Variants in SNX29 observed in about 807,000 individuals in gnomAD.
The protein encoded by SNX29 is sorting nexin 29.
A neutral mutation model predicts 102.1 loss-of-function variants in SNX29; 78 were observed. That is an observed-to-expected ratio of 0.76 (90% confidence interval 0.64 to 0.92). The LOEUF (loss-of-function observed/expected upper bound fraction) is 0.92. SNX29 is among the 40% of genes least tolerant of loss of function. SNX29 has a pLI of 0.00. For missense variants in SNX29, 1,280 were observed against 1,061.7 expected (o/e 1.21, Z -2.86); for synonymous variants, 580 against 414.5 (o/e 1.40, Z -4.85).
intron 20 of SNX29, among the ~76,000 whole-genome samples, chr16:12,562,499 T>G (rs1317330338): frequency 1.3e-5 from 2 of 152,212 alleles, no homozygotes; most frequent in African/African-American, 2.4e-5. Context: ...AGGAGCATCG[T>G]GAGCAGCCCA....
At chr16:12,048,876 C>T (rs11862031) in intron 7 of SNX29, among the ~76,000 whole-genome samples, 59,258 of 151,864 alleles carry the variant, frequency 0.39, 12,268 homozygotes, top group Middle Eastern at 0.5. Context: ...TGAGAGACAC[C>T]GGGAGCCAGA....
At chr16:12,018,123 G>C (rs1467451946) in intron 3 of SNX29, among the ~76,000 whole-genome samples, 1 of 152,006 alleles carries the variant, frequency 6.6e-6, no homozygotes, top group Non-Finnish European at 1.5e-5. Context: ...TATTGGAATT[G>C]TATTAAGTTT....
intron 18 of SNX29, among the ~76,000 whole-genome samples, chr16:12,454,774 C>T (rs745672922): frequency 9.9e-5 from 15 of 152,068 alleles, no homozygotes; most frequent in Non-Finnish European, 1.6e-4. Flanking sequence ...GGCTGGAGTG[C>T]AGTGGCGTGA....
chr16:12,169,371 G>A (rs1372075326), intron 13 of SNX29, among the ~76,000 whole-genome samples: 1 of 152,174 alleles, frequency 6.6e-6, no homozygotes, highest in Non-Finnish European at 1.5e-5. Context: ...TCTCGTGGGT[G>A]GGAGCTGATC....
At chr16:12,192,879 T>C (rs187983731) in intron 13 of SNX29, among the ~76,000 whole-genome samples, 131 of 152,234 alleles carry the variant, frequency 8.6e-4, no homozygotes, top group African/African-American at 2.8e-3. Flanking sequence ...TTTTTGTATA[T>C]TTAGTAGAGG....
intron 16 of SNX29, among the ~76,000 whole-genome samples, chr16:12,397,597 T>G (rs1169978352): frequency 6.6e-6 from 1 of 152,192 alleles, no homozygotes; most frequent in African/African-American, 2.4e-5. Context: ...TTGATCCTCC[T>G]TCTTAAAATT....
At chr16:12,548,367 G>A (rs1482089427) in intron 20 of SNX29, among the ~76,000 whole-genome samples, 5 of 152,190 alleles carry the variant, frequency 3.3e-5, no homozygotes, top group Non-Finnish European at 7.3e-5. Context: ...GCACCCACAT[G>A]GAAGGGAGTC....
rs36176543 is a variant in SNX29 at position 12,334,901 on chromosome 16, C to CTTTTTT, written c.1783-21247_1783-21242dup. Among the ~76,000 whole-genome samples the CTTTTTT allele has an allele frequency of 6.4e-3, 597 of 93,610 alleles. 18 individuals are homozygous for CTTTTTT. Among genetic ancestry groups the CTTTTTT allele is most frequent in the African/African-American group, 0.013 (353 of 26,150 alleles). The allele number at this position is 93,610 out of a possible 152,430, so 61.4% of individuals were successfully genotyped here. On this transcript the variant is annotated intron_variant, in intron 15 of 20. Transcript: ENST00000566228. Reference sequence around the variant, plus strand: ...TGCTTTAAGTTATCAGCCCCAGAGCCTTTTTTTTTTTTTTTTTTTTAAAAA... The same window carrying CTTTTTT: ...TGCTTTAAGTTATCAGCCCCAGAGCCTTTTTTTTTTTTTTTTTTTTTTTTTTAAAAA...
At chr16:12,541,416 G>A (rs1411302296) in intron 20 of SNX29, among the ~76,000 whole-genome samples, 2 of 152,148 alleles carry the variant, frequency 1.3e-5, no homozygotes, top group Non-Finnish European at 2.9e-5. Context: ...AAGAAACTGA[G>A]GCTCATGGAA....
At chr16:12,447,165 CAAAAAAAAAAAAAAAAAA>C (rs59942122) in intron 18 of SNX29, among the ~76,000 whole-genome samples, 4 of 43,916 alleles carry the variant, frequency 9.1e-5, no homozygotes, top group Non-Finnish European at 1.1e-4. Context: ...GACTCTGTCT[CAAAAAAAAAAAAAAAAAA>C]AAAAAAAAAA....
intron 13 of SNX29, among the ~76,000 whole-genome samples, chr16:12,164,839 C>A (rs774916743): frequency 6.6e-6 from 1 of 152,046 alleles, no homozygotes; most frequent in Non-Finnish European, 1.5e-5. Context: ...AGGTGCCCAC[C>A]ACCATGCCCA....
intron 19 of SNX29, among the ~76,000 whole-genome samples, chr16:12,494,026 T>G (rs1033749767): frequency 1.3e-5 from 2 of 152,186 alleles, no homozygotes; most frequent in African/African-American, 2.4e-5. Context: ...TCTGGGGTAT[T>G]TTTCTTATTT....
chr16:12,248,958 G>A (rs1354688695), intron 14 of SNX29, among the ~76,000 whole-genome samples: 1 of 152,132 alleles, frequency 6.6e-6, no homozygotes, highest in Non-Finnish European at 1.5e-5. Context: ...AATGTTTGTT[G>A]CTTGCATGAG....
chr16:12,097,719 G>C (rs1000475917), intron 11 of SNX29, among the ~76,000 whole-genome samples: 1 of 152,184 alleles, frequency 6.6e-6, no homozygotes, highest in Non-Finnish European at 1.5e-5. Context: ...GGCTATCTCA[G>C]CTGGGCCAGG....
chr16:11,999,187 C>T (rs2056196749), intron 1 of SNX29, 110 bp from the exon 2 acceptor site: 8 of 886,604 alleles, frequency 9.0e-6, no homozygotes, highest in East Asian at 7.8e-5. Flanking sequence ...ATTATTGATA[C>T]CTAGTTGTGC....
At chr16:12,165,729 A>G (rs1395807317) in intron 13 of SNX29, among the ~76,000 whole-genome samples, 1 of 152,144 alleles carries the variant, frequency 6.6e-6, no homozygotes, top group East Asian at 1.9e-4. Flanking sequence ...ATGCCTGGCA[A>G]ATTTTTGTGT....
chr16:12,061,857 C>G (rs372787067), intron 9 of SNX29, among the ~76,000 whole-genome samples: 1 of 152,210 alleles, frequency 6.6e-6, no homozygotes, highest in South Asian at 2.1e-4. Flanking sequence ...AGGTGCTCTC[C>G]GTGGAGTGAG....
chr16:12,553,424 A>T (rs140553322), intron 20 of SNX29, among the ~76,000 whole-genome samples: 19 of 152,266 alleles, frequency 1.2e-4, no homozygotes, highest in African/African-American at 4.1e-4. Context: ...ACCAGGTCTG[A>T]CACACTCCAA....
Position 12,571,843 on chromosome 16 carries a change from C to T in SNX29, c.*3214C>T, listed in dbSNP as rs189166009. The T allele has an allele frequency of 3.8e-6, 4 of 1,054,136 alleles. No individual in the cohort carries two copies. The highest frequency in any genetic ancestry group is 4.6e-6 in the Non-Finnish European group (4 of 870,262). The allele number at this position is 1,054,136 out of a possible 1,614,324, so 65.3% of individuals were successfully genotyped here. A position where few individuals can be genotyped will look rare whatever the true frequency, so the allele number is the denominator to read the frequency against. The stretch of plus-strand genomic sequence containing the variant: ...TTTGATTCCCACTTAGCAGTATGCT[C>T]CAATCACGTTGCTGGCAAGGCATTT... On this transcript the variant is annotated 3_prime_UTR_variant, in exon 21 of 21. Transcript: ENST00000566228.
Sources: gnomAD v4.1 joint callset for allele counts (sites outside exome capture counted in the v4.1 genomes callset) on GRCh38, gnomAD v4.1.1 for gene constraint, MANE v1.5 for transcripts, NCBI Gene and HGNC (gene_info 2026-07-23, HGNC 2026-07-21) for gene names.